RAI2: variants seen among roughly 807,000 people sequenced by gnomAD.
RAI2 encodes the protein retinoic acid-induced protein 2.
RAI2 carries 5 observed loss-of-function variants against 15.3 expected under a neutral mutation model. That is an observed-to-expected ratio of 0.33 (90% CI 0.17 to 0.69). The LOEUF (loss-of-function observed/expected upper bound fraction) is 0.69. Ranked by LOEUF, RAI2 falls within the 30% of genes least tolerant of loss-of-function variation. The pLI, the probability that RAI2 is intolerant of heterozygous loss-of-function variation, is 0.69. For missense variants in RAI2, 424 were observed against 424.7 expected, an observed-to-expected ratio of 1.00 and a Z score of 0.01; for synonymous variants, 191 against 184.0, an observed-to-expected ratio of 1.04 and a Z score of -0.31.
Position 17,801,877 on chromosome X carries a change from A to G in RAI2, c.134T>C (p.Leu45Pro). ...CACGGTCACCAGGGCCTTCTTTACC[A>G]GGTCAGTGGAGTTGATGTTCCAGGC... ...TEAWNINSTD[L>P]VKKALVTVPA... Residue 45 changes from leucine to proline, a missense_variant, in exon 2 of 2, where the codon CTG (leucine) becomes CCG (proline). Leu to Pro is a moderately conservative substitution (Grantham distance 98). Transcript: ENST00000451717. 1.7e-6 allele frequency: 2 copies of G among 1,209,572 alleles called. No homozygotes were observed. Among genetic ancestry groups the G allele is most frequent in the Non-Finnish European group, 2.2e-6 (2 of 894,845 alleles).
At chrX:17,851,342 C>T (rs1357033671) in intron 1 of RAI2, among the ~76,000 whole-genome samples, 1 of 111,974 alleles carries the variant, frequency 8.9e-6, no homozygotes, top group Non-Finnish European at 1.9e-5. Context: ...GCTAATTGCT[C>T]AATCTGAAAT....
intron 1 of RAI2, among the ~76,000 whole-genome samples, chrX:17,859,475 G>C (rs1022424205): frequency 8.9e-6 from 1 of 112,359 alleles, no homozygotes; most frequent in African/African-American, 3.2e-5. Context: ...GAGGATGCGA[G>C]ATAATGCTAA....
At chrX:17,809,139 C>T (rs1251316466) in intron 1 of RAI2, among the ~76,000 whole-genome samples, 1 of 112,182 alleles carries the variant, frequency 8.9e-6, no homozygotes, top group Non-Finnish European at 1.9e-5. Flanking sequence ...ACAAAATAGT[C>T]ACCTGCCTTA....
intron 1 of RAI2, among the ~76,000 whole-genome samples, chrX:17,848,667 A>C (rs1387970970): frequency 9.0e-6 from 1 of 111,418 alleles, no homozygotes; most frequent in East Asian, 2.8e-4. Context: ...TGCCCTCCAA[A>C]ATGGACAAAG....
intron 1 of RAI2, among the ~76,000 whole-genome samples, chrX:17,813,242 C>T (rs2067068595): frequency 9.0e-6 from 1 of 110,881 alleles, no homozygotes; most frequent in South Asian, 3.8e-4. Flanking sequence ...TTATTTTTGC[C>T]TACCCGCCAG....
chrX:17,824,972 C>A (rs1484496758), intron 1 of RAI2, among the ~76,000 whole-genome samples: 4 of 112,363 alleles, frequency 3.6e-5, no homozygotes, highest in Non-Finnish European at 5.6e-5. Flanking sequence ...TCAACAGGAA[C>A]AGAATTTTGC....
chrX:17,854,205 T>C (rs1330991331), intron 1 of RAI2, among the ~76,000 whole-genome samples: 1 of 112,291 alleles, frequency 8.9e-6, no homozygotes, highest in African/African-American at 3.2e-5. Context: ...TATGCTTGCC[T>C]GGCTTTCCAA....
At chrX:17,848,890 C>T (rs2067495375) in intron 1 of RAI2, among the ~76,000 whole-genome samples, 1 of 112,512 alleles carries the variant, frequency 8.9e-6, no homozygotes, top group Non-Finnish European at 1.9e-5. Context: ...ATGCTTCTTC[C>T]TTCACCCGCA....
chrX:17,849,804 T>G (rs946475862), intron 1 of RAI2, among the ~76,000 whole-genome samples: 2 of 112,919 alleles, frequency 1.8e-5, no homozygotes, highest in African/African-American at 6.4e-5. Flanking sequence ...GGTGGTATCC[T>G]GACCCAGAGT....
At chrX:17,856,893 G>C (rs1324287418) in intron 1 of RAI2, among the ~76,000 whole-genome samples, 5 of 111,854 alleles carry the variant, frequency 4.5e-5, no homozygotes, top group Non-Finnish European at 9.4e-5. Context: ...CTTGGCAGGA[G>C]AGAGGAGGGT....
chrX:17,813,761 C>T (rs2067075315), intron 1 of RAI2, among the ~76,000 whole-genome samples: 1 of 111,712 alleles, frequency 9.0e-6, no homozygotes, highest in Non-Finnish European at 1.9e-5. Flanking sequence ...TTGTCCAGGG[C>T]CCTGTTACTG....
intron 1 of RAI2, among the ~76,000 whole-genome samples, chrX:17,825,469 C>G (rs1344475366): frequency 1.8e-5 from 2 of 112,656 alleles, no homozygotes; most frequent in African/African-American, 6.5e-5. Flanking sequence ...TGAGGTCAAC[C>G]CTCTGTGCCC....
intron 1 of RAI2, among the ~76,000 whole-genome samples, chrX:17,812,864 T>A (rs2147224081): frequency 9.0e-6 from 1 of 111,538 alleles, no homozygotes; most frequent in South Asian, 3.8e-4. Flanking sequence ...AAGGAAAGAT[T>A]GGTTAGCTAT....
At chrX:17,848,356 G>C (rs150833358) in intron 1 of RAI2, among the ~76,000 whole-genome samples, 4,538 of 109,295 alleles carry the variant, frequency 0.042, 270 homozygotes, top group African/African-American at 0.14. Flanking sequence ...AGTCTCTGTG[G>C]GGGAAAACAG....
chrX:17,839,246 A>G (rs1471146134), intron 1 of RAI2, among the ~76,000 whole-genome samples: 1 of 112,041 alleles, frequency 8.9e-6, no homozygotes, highest in Non-Finnish European at 1.9e-5. Flanking sequence ...AGCGACATCT[A>G]TGCACCATCC....
intron 1 of RAI2, among the ~76,000 whole-genome samples, chrX:17,823,301 A>G (rs2067188716): frequency 8.9e-6 from 1 of 112,607 alleles, no homozygotes; most frequent in Non-Finnish European, 1.9e-5. Context: ...ATTATAACAA[A>G]AGATAGGGAG....
intron 1 of RAI2, among the ~76,000 whole-genome samples, chrX:17,807,211 G>T (rs991013485): frequency 9.0e-6 from 1 of 111,402 alleles, no homozygotes; most frequent in Non-Finnish European, 1.9e-5. Flanking sequence ...CTCTAAAGTT[G>T]CTTCTTCTGA....
At chrX:17,847,072 A>G (rs2067471980) in intron 1 of RAI2, among the ~76,000 whole-genome samples, 1 of 111,921 alleles carries the variant, frequency 8.9e-6, no homozygotes. Flanking sequence ...AGGCCTCCCC[A>G]GCCATGTGGA....
intron 1 of RAI2, among the ~76,000 whole-genome samples, chrX:17,808,682 C>T (rs187221342): frequency 9.1e-6 from 1 of 109,633 alleles, no homozygotes; most frequent in East Asian, 2.9e-4. Flanking sequence ...CCCAGGAAGA[C>T]GTGAGATGGC....
Sources: gnomAD v4.1 joint callset for allele counts (sites outside exome capture counted in the v4.1 genomes callset) on GRCh38, gnomAD v4.1.1 for gene constraint, MANE v1.5 for transcripts, NCBI Gene and HGNC (gene_info 2026-07-23, HGNC 2026-07-21) for gene names.